IQCJ: variants seen among roughly 807,000 people sequenced by gnomAD.
IQCJ encodes IQ domain-containing protein J.
Under a neutral mutation model 11.0 loss-of-function variants are expected in IQCJ, and 9 were observed. The ratio of observed to expected loss-of-function variants is 0.82; its 90% confidence interval spans 0.49 to 1.43. IQCJ has a LOEUF of 1.43. Among genes scored for constraint, IQCJ ranks in the 40% most tolerant of loss-of-function variants. The pLI, the probability that IQCJ is intolerant of heterozygous loss-of-function variation, is 0.00. For synonymous variants in IQCJ, 55 were observed against 51.3 expected (o/e 1.07, Z -0.31); for missense variants, 146 against 133.2 (o/e 1.10, Z -0.47).
chr3:159,256,425 GT>G (rs1727901223), intron 3 of IQCJ, among the ~76,000 whole-genome samples: 1 of 152,150 alleles, frequency 6.6e-6, no homozygotes, highest in Admixed American at 6.5e-5. Flanking sequence ...AAGATGTTTA[GT>G]AAACCCTTAT....
intron 1 of IQCJ, among the ~76,000 whole-genome samples, chr3:159,192,001 A>G (rs894110306): frequency 3.3e-5 from 5 of 152,190 alleles, no homozygotes; most frequent in Admixed American, 2.0e-4. Flanking sequence ...TCAGAAAATG[A>G]TTTCCCTTAG....
At chr3:159,069,643 A>G in intron 1 of IQCJ, 1 of 667,898 alleles carries the variant, frequency 1.5e-6, no homozygotes, top group Middle Eastern at 2.5e-4. Flanking sequence ...ATAAATATGT[A>G]TTATTTATGT....
intron 1 of IQCJ, among the ~76,000 whole-genome samples, chr3:159,165,546 A>G (rs943539122): frequency 2.0e-5 from 3 of 152,158 alleles, no homozygotes; most frequent in Admixed American, 6.5e-5. Flanking sequence ...CTATACTGAA[A>G]CAAGCCTCAT....
intron 1 of IQCJ, among the ~76,000 whole-genome samples, chr3:159,123,786 A>G (rs1052576423): frequency 1.3e-5 from 2 of 152,134 alleles, no homozygotes; most frequent in African/African-American, 4.8e-5. Context: ...CTGTGAAGAT[A>G]GAGGTTGCCT....
chr3:159,091,169 A>G (rs1236456352), intron 1 of IQCJ, among the ~76,000 whole-genome samples: 2 of 151,846 alleles, frequency 1.3e-5, no homozygotes. Flanking sequence ...GATTAGAAAG[A>G]ATGCTCCTGG....
chr3:159,117,657 AC>A (rs1354154514), intron 1 of IQCJ, among the ~76,000 whole-genome samples: 1 of 152,130 alleles, frequency 6.6e-6, no homozygotes, highest in Non-Finnish European at 1.5e-5. Context: ...ACTGTGGGAC[AC>A]CAGGAAGCCA....
intron 1 of IQCJ, among the ~76,000 whole-genome samples, chr3:159,196,334 C>A (rs1055398203): frequency 7.2e-5 from 11 of 152,110 alleles, no homozygotes; most frequent in Non-Finnish European, 1.2e-4. Flanking sequence ...ATGGATGGAG[C>A]CCATTTTAAA....
At chr3:159,070,125 G>C (rs1206856235) in intron 1 of IQCJ, 1 of 163,902 alleles carries the variant, frequency 6.1e-6, no homozygotes, top group East Asian at 1.7e-4. Context: ...GGGTAGATTT[G>C]CTATAGCCAA....
intron 1 of IQCJ, among the ~76,000 whole-genome samples, chr3:159,191,912 A>G (rs1723712382): frequency 6.6e-6 from 1 of 152,134 alleles, no homozygotes; most frequent in South Asian, 2.1e-4. Context: ...CATTATGATG[A>G]TTTTCCTGTT....
chr3:159,218,663 G>C (rs1201079988), intron 1 of IQCJ, among the ~76,000 whole-genome samples: 3 of 152,130 alleles, frequency 2.0e-5, no homozygotes, highest in African/African-American at 7.2e-5. Context: ...TATTATCAGT[G>C]ACGGTGAATA....
chr3:159,262,898 G>T lies in IQCJ; in HGVS notation c.*167G>T. On this transcript the variant is annotated 3_prime_UTR_variant, in exon 4 of 4. Transcript: ENST00000397832. ...GCACAAAGTGAACTTTATCAAGTCT[G>T]GAGAAAATAGATTGCATTTATGTGT... 7.2e-7 allele frequency: 1 copy of T among 1,380,736 alleles called. No homozygotes were observed. The allele number at this position is 1,380,736 out of a possible 1,614,324, so 85.5% of individuals were successfully genotyped here.
Position 159,232,620 on chromosome 3 carries a change from C to T in IQCJ, c.10-13223C>T, listed in dbSNP as rs545903142. On this transcript the variant is annotated intron_variant, in intron 1 of 3. Transcript: ENST00000397832. ...TATGACTTCTGTTCTTTTGCATTTGCTGAGGAGGGTTTTACTTCCAATTAT... is the reference window on the plus strand; with the variant it reads ...TATGACTTCTGTTCTTTTGCATTTGTTGAGGAGGGTTTTACTTCCAATTAT... Among the ~76,000 whole-genome samples the T allele has an allele frequency of 2.0e-5, 3 of 152,072 alleles. No individual in the cohort carries two copies. In the East Asian group the frequency reaches 5.8e-4, roughly 29 times the overall value.
intron 1 of IQCJ, among the ~76,000 whole-genome samples, chr3:159,082,049 T>G (rs1050242956): frequency 6.6e-6 from 1 of 152,122 alleles, no homozygotes; most frequent in Non-Finnish European, 1.5e-5. Flanking sequence ...TTTTTCATTG[T>G]ATTGGCTTAT....
chr3:159,219,223 C>T (rs182842128), intron 1 of IQCJ, among the ~76,000 whole-genome samples: 1 of 152,142 alleles, frequency 6.6e-6, no homozygotes, highest in Admixed American at 6.5e-5. Flanking sequence ...CATGTCTGAT[C>T]AAAGGACTCC....
intron 1 of IQCJ, among the ~76,000 whole-genome samples, chr3:159,146,078 A>G (rs527598854): frequency 3.9e-5 from 6 of 152,336 alleles, no homozygotes; most frequent in African/African-American, 1.2e-4. Flanking sequence ...TGGGAAGTGC[A>G]TTCAATTGTG....
intron 1 of IQCJ, among the ~76,000 whole-genome samples, chr3:159,219,138 C>A (rs1345522713): frequency 6.6e-6 from 1 of 152,114 alleles, no homozygotes; most frequent in African/African-American, 2.4e-5. Flanking sequence ...GTACCAAATT[C>A]ACAGTTCTAG....
chr3:159,185,059 C>A (rs1411687668), intron 1 of IQCJ, among the ~76,000 whole-genome samples: 1 of 152,198 alleles, frequency 6.6e-6, no homozygotes, highest in African/African-American at 2.4e-5. Flanking sequence ...AGTAACCTTT[C>A]ATAATCTTAA....
intron 1 of IQCJ, among the ~76,000 whole-genome samples, chr3:159,159,755 TAA>T (rs1436632793): frequency 2.0e-5 from 3 of 152,286 alleles, no homozygotes; most frequent in Admixed American, 6.5e-5. Flanking sequence ...GGATCCCTCG[TAA>T]ATGGTTTGGT....
At chr3:159,221,619 A>G (rs1015829770) in intron 1 of IQCJ, among the ~76,000 whole-genome samples, 1 of 152,154 alleles carries the variant, frequency 6.6e-6, no homozygotes, top group Non-Finnish European at 1.5e-5. Context: ...GTGAATGTGG[A>G]TCACCTGTCA....
Sources: gnomAD v4.1 joint callset for allele counts (sites outside exome capture counted in the v4.1 genomes callset) on GRCh38, gnomAD v4.1.1 for gene constraint, MANE v1.5 for transcripts, NCBI Gene and HGNC (gene_info 2026-07-23, HGNC 2026-07-21) for gene names.